The following STK35 variants were observed in gnomAD, a reference collection of about 807,000 sequenced individuals.
STK35 encodes serine/threonine kinase 35, also known as serine/threonine-protein kinase 35.
In STK35, 17 loss-of-function variants were observed where a neutral mutation model predicts 37.3. The observed-to-expected ratio is 0.46, with a 90% CI of 0.31 to 0.68. The LOEUF is 0.68. Ranked by LOEUF, STK35 falls within the 30% of genes least tolerant of loss-of-function variation. The pLI is 0.05. For missense variants in STK35, 595 were observed against 746.7 expected (o/e 0.80, Z 2.37); for synonymous variants, 385 against 319.1 (o/e 1.21, Z -2.20).
At chr20:2,121,727 A>G (rs1166303485) in intron 3 of STK35, among the ~76,000 whole-genome samples, 1 of 152,166 alleles carries the variant, frequency 6.6e-6, no homozygotes, top group Non-Finnish European at 1.5e-5. Context: ...AAGGAGCCAG[A>G]GAGAGGGGAA....
intron 3 of STK35, among the ~76,000 whole-genome samples, chr20:2,127,854 C>A (rs949154607): frequency 2.0e-5 from 3 of 152,090 alleles, no homozygotes; most frequent in Non-Finnish European, 2.9e-5. Context: ...GAGTCTTGAG[C>A]CTAATTATAT....
In STK35 at chr20:2,146,973, T is replaced by C. The variant is rs1056669995; in HGVS notation, c.*3227T>C. ...TCCCAGAGGCATTGGATCAGGAGAATGGGAATTTTTTTCCTCCCACCTGGA... is the reference window on the plus strand; with the variant it reads ...TCCCAGAGGCATTGGATCAGGAGAACGGGAATTTTTTTCCTCCCACCTGGA... On this transcript the variant is annotated 3_prime_UTR_variant, in exon 4 of 4. Transcript: ENST00000381482. 2 of 152,574 alleles carry C rather than the reference T, an allele frequency of 1.3e-5. No homozygotes were observed. The highest frequency in any genetic ancestry group is 4.8e-5 in the African/African-American group (2 of 41,432). The allele number at this position is 152,574 out of a possible 1,614,324, so 9.5% of individuals were successfully genotyped here.
chr20:2,111,844 C>G (rs1042710280), intron 2 of STK35, among the ~76,000 whole-genome samples: 2 of 152,206 alleles, frequency 1.3e-5, no homozygotes, highest in South Asian at 4.1e-4. Flanking sequence ...GTGTCCCTGG[C>G]GCACACCCAC....
chr20:2,118,474 C>T (rs1352662487), intron 3 of STK35, among the ~76,000 whole-genome samples: 3 of 151,952 alleles, frequency 2.0e-5, no homozygotes, highest in South Asian at 4.1e-4. Flanking sequence ...CCCAGCTACT[C>T]GGGAGGCTGA....
Position 2,117,461 on chromosome 20 carries a change from G to A in STK35, c.*37+46G>A, listed in dbSNP as rs904335466. The A allele has an allele frequency of 4.4e-6, 5 of 1,143,654 alleles. No homozygotes were observed. Among genetic ancestry groups the A allele is most frequent in the South Asian group, 3.1e-5 (2 of 64,022 alleles). 70.8% of individuals were successfully genotyped at this position (1,143,654 alleles called of 1,614,324 possible). On this transcript the variant is annotated intron_variant, in intron 3 of 3. Transcript: ENST00000381482. This position sits in a 1 kb window ranked among gnomAD's most constrained non-coding sequence, Gnocchi z 4.4. The stretch of plus-strand genomic sequence containing the variant: ...TTTTTTGTTTTTTGTTTTGAGACAG[G>A]GTCTCACTCTGTTGGTCAGGCTGGG...
chr20:2,136,816 C>CGACAAGGG (rs1568582029), intron 3 of STK35, among the ~76,000 whole-genome samples: 1 of 152,108 alleles, frequency 6.6e-6, no homozygotes, highest in East Asian at 1.9e-4. Flanking sequence ...TTGGAGCACA[C>CGACAAGGG]GACAAGGCTA....
chr20:2,123,950 G>T (rs1438050893), intron 3 of STK35, among the ~76,000 whole-genome samples: 2 of 152,124 alleles, frequency 1.3e-5, no homozygotes, highest in Non-Finnish European at 2.9e-5. Context: ...GTGATTCATG[G>T]TCGTCCCTGG....
intron 3 of STK35, among the ~76,000 whole-genome samples, chr20:2,130,326 G>A (rs1031466289): frequency 2.6e-5 from 4 of 152,128 alleles, no homozygotes; most frequent in African/African-American, 4.8e-5. Context: ...CCTTGGACTC[G>A]GGGCTGCGTT....
intron 3 of STK35, among the ~76,000 whole-genome samples, chr20:2,136,398 C>G (rs1048643497): frequency 1.3e-5 from 2 of 152,206 alleles, no homozygotes; most frequent in Non-Finnish European, 2.9e-5. Context: ...CACCCTGTAG[C>G]ATGGTAGAAA....
chr20:2,137,280 G>A (rs1986102986), intron 3 of STK35, among the ~76,000 whole-genome samples: 1 of 152,176 alleles, frequency 6.6e-6, no homozygotes, highest in Admixed American at 6.5e-5. Flanking sequence ...GAGGCTCGGG[G>A]GACCCTGACT....
Position 2,102,008 on chromosome 20 carries a change from TC to T in STK35, c.131del (p.Pro44GlnfsTer121), listed in dbSNP as rs980681847. 2 of 1,527,158 alleles carry T rather than the reference TC, an allele frequency of 1.3e-6. No individual in the cohort carries two copies. The highest frequency in any genetic ancestry group is 1.8e-6 in the Non-Finnish European group (2 of 1,142,658). The allele number at this position is 1,527,158 out of a possible 1,614,324, so 94.6% of individuals were successfully genotyped here. A position where few individuals can be genotyped will look rare whatever the true frequency, so the allele number is the denominator to read the frequency against. Reference protein sequence around the residue: ...ESHGSLGAQASPASAAAAEGS... With the variant: ...ESHGSLGAQAXPASAAAAEGS... ...CCACGGGAGCCTAGGAGCCCAGGCT[TC>T]CCCAGCGAGCGCCGCGGCAGCAGAA... On this transcript the variant is annotated frameshift_variant, in exon 1 of 4. Transcript: ENST00000381482. LOFTEE classifies it high-confidence loss of function.
chr20:2,104,676 C>T (rs1048593623), intron 2 of STK35, among the ~76,000 whole-genome samples: 1 of 152,056 alleles, frequency 6.6e-6, no homozygotes, highest in Non-Finnish European at 1.5e-5. Context: ...CTTAAAGATC[C>T]CCCAAGTCTT....
rs1326245444 is a variant in STK35, at chr20:2,145,800, T to C, written c.*2054T>C. ...CTTTCCTTGGGGGCAGCTGTCTCTC[T>C]GTACATGAGCAAATGGGCAAAAACA... On this transcript the variant is annotated 3_prime_UTR_variant, in exon 4 of 4. Transcript: ENST00000381482. 2 of 152,280 alleles carry C rather than the reference T, an allele frequency of 1.3e-5. No individual in the cohort carries two copies. The highest frequency in any genetic ancestry group is 2.9e-5 in the Non-Finnish European group (2 of 68,132). 9.4% of individuals were successfully genotyped at this position (152,280 alleles called of 1,614,324 possible).
intron 2 of STK35, among the ~76,000 whole-genome samples, chr20:2,106,025 T>C (rs1023964053): frequency 6.6e-6 from 1 of 152,204 alleles, no homozygotes; most frequent in Non-Finnish European, 1.5e-5. Flanking sequence ...GAAGAAAATA[T>C]GTGTTGTTTC....
At chr20:2,103,560 T>G (rs1172590020) in intron 2 of STK35, among the ~76,000 whole-genome samples, 195 bp downstream of exon 2, 1 of 152,184 alleles carries the variant, frequency 6.6e-6, no homozygotes, top group Non-Finnish European at 1.5e-5. Context: ...TCCCTGGGCC[T>G]AAAGTTGGCT....
chr20:2,102,050 C>A lies in STK35; in HGVS notation c.169C>A (p.Arg57=). ...GGCAGCAGAAGGATCCGCTACACGC[C>A]GGGCTCGGGCCGCCACCTCCCGCGC... is the stretch of plus-strand genomic sequence containing the variant. The part of the protein sequence containing the change: ...AAAAEGSATR[R]ARAATSRAAR... Residue 57 remains arginine (R), a synonymous_variant, in exon 1 of 4, where the codon CGG becomes AGG. Transcript: ENST00000381482. 2.0e-6 allele frequency: 3 copies of A among 1,523,900 alleles called. No individual in the cohort carries two copies. Among genetic ancestry groups the A allele is most frequent in the Non-Finnish European group, 2.6e-6 (3 of 1,140,756 alleles). 94.4% of individuals were successfully genotyped at this position (1,523,900 alleles called of 1,614,324 possible).
chr20:2,135,825 G>A (rs1423033047), intron 3 of STK35, among the ~76,000 whole-genome samples: 1 of 152,190 alleles, frequency 6.6e-6, no homozygotes, highest in Middle Eastern at 3.2e-3. Flanking sequence ...GCTCCAGCTT[G>A]GGCGACAGCA....
At chr20:2,139,627 G>A (rs1986140631) in intron 3 of STK35, among the ~76,000 whole-genome samples, 1 of 152,144 alleles carries the variant, frequency 6.6e-6, no homozygotes, top group Non-Finnish European at 1.5e-5. Flanking sequence ...TCTAAGACGA[G>A]GGGGACGATA....
In STK35 at chr20:2,117,429, G is replaced by C. The variant is rs770196528; in HGVS notation, c.*37+14G>C. 1.4e-6 allele frequency: 2 copies of C among 1,463,960 alleles called. No homozygotes were observed. Among genetic ancestry groups the C allele is most frequent in the Admixed American group, 2.1e-5 (1 of 48,330 alleles). 90.7% of individuals were successfully genotyped at this position (1,463,960 alleles called of 1,614,324 possible). On this transcript the variant is annotated intron_variant, in intron 3 of 3. Transcript: ENST00000381482. The surrounding 1 kb of genome is among the most constrained non-coding windows in gnomAD (Gnocchi z 4.4). ...ATTTTAAACTAGGTGAGTGCTCTCT[G>C]TTGTTGTTTTTTGTTTTTTGTTTTG...
Sources: allele counts gnomAD v4.1 joint callset (sites outside exome capture counted in the v4.1 genomes callset), GRCh38; gene constraint gnomAD v4.1.1; non-coding constraint Gnocchi (gnomAD v3.1); transcripts MANE v1.5; gene names NCBI Gene and HGNC (gene_info 2026-07-23, HGNC 2026-07-21).